The following HIRA variants were observed in gnomAD, a reference collection of about 807,000 sequenced individuals.
The protein encoded by HIRA is protein HIRA.
Under a neutral mutation model 126.6 loss-of-function variants are expected in HIRA, and 13 were observed. The observed-to-expected ratio is 0.10, with a 90% confidence interval of 0.07 to 0.16. The LOEUF is 0.16. HIRA is among the 10% of genes least tolerant of loss of function. The pLI is 1.00. For missense variants in HIRA, 834 were observed against 1,314.4 expected, an observed-to-expected ratio of 0.63 and a Z score of 5.65; for synonymous variants, 511 against 520.0, an observed-to-expected ratio of 0.98 and a Z score of 0.24.
At chr22:19,375,830 C>A in intron 14 of HIRA, 38 bp from the exon 15 acceptor site, 1 of 1,607,712 alleles carries the variant, frequency 6.2e-7, no homozygotes, top group Non-Finnish European at 8.5e-7. Flanking sequence ...CAAGCGCAAT[C>A]CTGAAAGGAT....
rs2088868103 is a variant in HIRA at position 19,361,948 on chromosome 22, C to T, written c.1776-17G>A. 1.2e-6 allele frequency: 2 copies of T among 1,610,952 alleles called. No individual in the cohort carries two copies. The highest frequency in any genetic ancestry group is 1.7e-6 in the Non-Finnish European group (2 of 1,177,228). On this transcript the variant is annotated splice_polypyrimidine_tract_variant and intron_variant, in intron 15 of 24. Coordinates refer to ENST00000263208, the MANE Select transcript of HIRA (RefSeq NM_003325.4). ...TCTTTTAACCTGCACAAAAACATTA[C>T]ATCACACTTCCCTTCAGAAACCATT...
intron 2 of HIRA, among the ~76,000 whole-genome samples, chr22:19,409,993 A>G (rs1300944746): frequency 6.6e-6 from 1 of 152,242 alleles, no homozygotes; most frequent in East Asian, 1.9e-4. Flanking sequence ...CTGAGGACCT[A>G]GAGCTCACAA....
At chr22:19,334,131 C>G (rs920272955) in intron 24 of HIRA, among the ~76,000 whole-genome samples, 1 of 151,706 alleles carries the variant, frequency 6.6e-6, no homozygotes, top group Non-Finnish European at 1.5e-5. Context: ...CCGGCCAGCA[C>G]GCCTGGCTAA....
At chr22:19,398,711 T>A (rs1410825130) in intron 5 of HIRA, among the ~76,000 whole-genome samples, 1 of 152,190 alleles carries the variant, frequency 6.6e-6, no homozygotes, top group African/African-American at 2.4e-5. Context: ...GTGCAGGGAC[T>A]CACGTCTGTA....
chr22:19,341,729 G>T (rs2088631342), intron 24 of HIRA, among the ~76,000 whole-genome samples: 1 of 152,166 alleles, frequency 6.6e-6, no homozygotes, highest in African/African-American at 2.4e-5. Flanking sequence ...AAGTGGTGCT[G>T]GGATAACTGG....
intron 14 of HIRA, 132 bp from the exon 15 acceptor site, chr22:19,375,924 A>T (rs1019539794): frequency 1.3e-5 from 12 of 959,156 alleles, no homozygotes; most frequent in Non-Finnish European, 1.8e-5. Context: ...AAATGTCAAG[A>T]TACAATCTAC....
chr22:19,390,971 T>C (rs1402163497), intron 9 of HIRA, among the ~76,000 whole-genome samples: 1 of 150,668 alleles, frequency 6.6e-6, no homozygotes, highest in Non-Finnish European at 1.5e-5. Flanking sequence ...TTTTTTTTTT[T>C]AATTTTAGAA....
At chr22:19,418,495 G>A (rs1353529807) in intron 1 of HIRA, among the ~76,000 whole-genome samples, 1 of 152,008 alleles carries the variant, frequency 6.6e-6, no homozygotes, top group Non-Finnish European at 1.5e-5. Context: ...CAGGCATGGT[G>A]GTGGCAGGCG....
At chr22:19,334,909 G>C (rs1556005556) in intron 24 of HIRA, among the ~76,000 whole-genome samples, 1 of 151,936 alleles carries the variant, frequency 6.6e-6, no homozygotes, top group Admixed American at 6.6e-5. Flanking sequence ...TTGAATGAAT[G>C]TATTATTTTC....
intron 5 of HIRA, among the ~76,000 whole-genome samples, chr22:19,401,362 A>C (rs557404968): frequency 6.6e-6 from 1 of 152,140 alleles, no homozygotes; most frequent in Admixed American, 6.6e-5. Context: ...ACTGGCCTCA[A>C]GTGATCCTCA....
chr22:19,361,813 C>T lies in HIRA; in HGVS notation c.1894G>A (p.Glu632Lys). ...TTCTCTACTGTCTCTACCTCAAGCT[C>T]AAGTTTTCGCTTGGACAGTGAGGAA... is the stretch of plus-strand genomic sequence containing the variant. Reference protein sequence around the residue: ...KASSLSKRKLELEVETVEKKK... With the variant: ...KASSLSKRKLKLEVETVEKKK... The change falls in exon 16 of 25, where the codon GAG (glutamate) becomes AAG (lysine). Residue 632 changes from glutamate to lysine, a missense_variant. This residue lies in a region of HIRA where 468 missense variants were observed against 574.2 expected (regional missense o/e 0.82). Coordinates refer to ENST00000263208, the MANE Select transcript of HIRA (RefSeq NM_003325.4). 2 of 1,614,148 alleles carry T rather than the reference C, an allele frequency of 1.2e-6. No individual in the cohort carries two copies. Among genetic ancestry groups the T allele is most frequent in the Non-Finnish European group, 1.7e-6 (2 of 1,180,036 alleles).
intron 1 of HIRA, among the ~76,000 whole-genome samples, chr22:19,417,077 G>T (rs941067224): frequency 3.3e-5 from 5 of 151,918 alleles, no homozygotes; most frequent in Non-Finnish European, 7.4e-5. Context: ...GTGGGTGCCT[G>T]TAGTCCTATC....
intron 24 of HIRA, among the ~76,000 whole-genome samples, chr22:19,332,112 C>T (rs2088495747): frequency 1.3e-5 from 2 of 152,202 alleles, no homozygotes; most frequent in Non-Finnish European, 2.9e-5. Flanking sequence ...ATATTGGCAC[C>T]ACAGTCTGAA....
chr22:19,353,470 G>C lies in HIRA; in HGVS notation c.2734C>G (p.Gln912Glu). ...RLFSVPHVVQ[Q>E]ETTLAYLENQ... ...TCTAGGTAGGCCAGGGTGGTCTCTT[G>C]CTGCACCACATGAGGCACGGAGAAG... Residue 912 changes from glutamine to glutamate, a missense_variant, in exon 23 of 25, where the codon CAA becomes GAA. This residue lies in a region of HIRA where 468 missense variants were observed against 574.2 expected (regional missense o/e 0.82). Coordinates refer to ENST00000263208, the MANE Select transcript of HIRA (RefSeq NM_003325.4). 1 of 1,612,822 alleles carries C rather than the reference G, an allele frequency of 6.2e-7. No homozygotes were observed. The highest frequency in any genetic ancestry group is 8.5e-7 in the Non-Finnish European group (1 of 1,179,876).
At chr22:19,428,783 T>C (rs62222291) in intron 1 of HIRA, among the ~76,000 whole-genome samples, 1 of 151,884 alleles carries the variant, frequency 6.6e-6, no homozygotes, top group Non-Finnish European at 1.5e-5. Context: ...CCCATTTCTA[T>C]TAAAAAAAAA....
chr22:19,354,213 G>T, intron 21 of HIRA, 95 bp from the exon 22 acceptor site: 1 of 1,309,578 alleles, frequency 7.6e-7, no homozygotes, highest in Non-Finnish European at 1.0e-6. Flanking sequence ...AGGCCACAGA[G>T]AAGCAGCCCC....
intron 1 of HIRA, among the ~76,000 whole-genome samples, chr22:19,411,921 T>C (rs969933015): frequency 2.6e-5 from 4 of 152,200 alleles, no homozygotes; most frequent in Admixed American, 6.5e-5. Flanking sequence ...CAAAAGGCAC[T>C]GCCCAGCATG....
chr22:19,425,400 C>A (rs1440551068), intron 1 of HIRA, among the ~76,000 whole-genome samples: 1 of 152,112 alleles, frequency 6.6e-6, no homozygotes, highest in East Asian at 1.9e-4. Context: ...CCCGGATGAA[C>A]AGAACATGCT....
intron 23 of HIRA, among the ~76,000 whole-genome samples, chr22:19,352,251 G>T (rs1228347608): frequency 6.6e-6 from 1 of 151,956 alleles, no homozygotes; most frequent in Non-Finnish European, 1.5e-5. Context: ...ATGGGTGGCG[G>T]GGCGGAGAGG....
Sources: allele counts gnomAD v4.1 joint callset (sites outside exome capture counted in the v4.1 genomes callset), GRCh38; gene constraint gnomAD v4.1.1; regional missense constraint gnomAD v4.1.1; transcripts MANE v1.5; gene names NCBI Gene and HGNC (gene_info 2026-07-23, HGNC 2026-07-21).